ADAMTS3: variants seen among roughly 807,000 people sequenced by gnomAD.
The protein encoded by ADAMTS3 is ADAM metallopeptidase with thrombospondin type 1 motif 3, also known as A disintegrin and metalloproteinase with thrombospondin motifs 3.
ADAMTS3 carries 73 observed loss-of-function variants against 129.0 expected under a neutral mutation model. That is an observed-to-expected ratio of 0.57 (90% CI 0.47 to 0.69). The LOEUF is 0.69. ADAMTS3 is among the 30% of genes least tolerant of loss of function. The pLI, the probability that ADAMTS3 is intolerant of heterozygous loss-of-function variation, is 0.00. For synonymous variants in ADAMTS3, 477 were observed against 510.8 expected (o/e 0.93, Z 0.89); for missense variants, 1,457 against 1,514.5 (o/e 0.96, Z 0.63).
intron 6 of ADAMTS3, among the ~76,000 whole-genome samples, chr4:72,321,264 C>T (rs1413912017): frequency 6.6e-6 from 1 of 152,022 alleles, no homozygotes; most frequent in Non-Finnish European, 1.5e-5. Context: ...CTCTGCCTCT[C>T]GGGTTCAAGC....
chr4:72,495,028 C>A (rs1001494291), intron 3 of ADAMTS3, among the ~76,000 whole-genome samples: 1 of 152,186 alleles, frequency 6.6e-6, no homozygotes, highest in Admixed American at 6.5e-5. Flanking sequence ...CCTTTTAGCA[C>A]CAGGTCTGAC....
intron 3 of ADAMTS3, among the ~76,000 whole-genome samples, chr4:72,431,791 G>C (rs1722704737): frequency 6.6e-6 from 1 of 151,852 alleles, no homozygotes; most frequent in South Asian, 2.1e-4. Flanking sequence ...ATTTGGTAAA[G>C]GGGAAATGGG....
chr4:72,477,713 G>A (rs1376340810), intron 3 of ADAMTS3, among the ~76,000 whole-genome samples: 6 of 151,970 alleles, frequency 3.9e-5, no homozygotes, highest in African/African-American at 1.5e-4. Context: ...GAAGGAAATA[G>A]AGACACAAAA....
At chr4:72,329,693 C>T (rs139592024) in intron 5 of ADAMTS3, among the ~76,000 whole-genome samples, 3 of 151,884 alleles carry the variant, frequency 2.0e-5, no homozygotes, top group East Asian at 3.9e-4. Flanking sequence ...CTGGTTTAAT[C>T]GCTTCCTTCC....
intron 2 of ADAMTS3, among the ~76,000 whole-genome samples, chr4:72,564,641 C>G (rs1721980754): frequency 6.6e-6 from 1 of 152,138 alleles, no homozygotes; most frequent in African/African-American, 2.4e-5. Context: ...GTGAATCCTA[C>G]TTTCCCACAT....
In ADAMTS3 at chr4:72,319,918, G is replaced by T. The variant is rs1355356078; in HGVS notation, c.1148C>A (p.Thr383Asn). Residue 383 changes from threonine to asparagine, a missense_variant, in exon 8 of 22, where the codon ACC (threonine) becomes AAC (asparagine). Coordinates refer to ENST00000286657, the MANE Select transcript of ADAMTS3 (RefSeq NM_014243.3). Reference protein sequence around the residue: ...TGMCHPVRSCTLNHEDGFSSA... With the variant: ...TGMCHPVRSCNLNHEDGFSSA... ...TGAAAAACCATCCTCATGATTCAGGGTACAACTTCTCACTGGATGACACAT... is the reference window on the plus strand; with the variant it reads ...TGAAAAACCATCCTCATGATTCAGGTTACAACTTCTCACTGGATGACACAT... The T allele has an allele frequency of 6.2e-7, 1 of 1,613,768 alleles. No individual in the cohort carries two copies. The highest frequency in any genetic ancestry group is 8.5e-7 in the Non-Finnish European group (1 of 1,179,896).
chr4:72,530,628 TTA>T (rs1408855885), intron 3 of ADAMTS3, among the ~76,000 whole-genome samples: 1 of 83,622 alleles, frequency 1.2e-5, no homozygotes, highest in African/African-American at 5.0e-5. Context: ...ATATATATTA[TTA>T]TATAATATAT....
chr4:72,314,962 A>G (rs757862182), intron 11 of ADAMTS3, among the ~76,000 whole-genome samples: 2 of 152,214 alleles, frequency 1.3e-5, no homozygotes, highest in African/African-American at 2.4e-5. Flanking sequence ...AGTTCTTAAC[A>G]TGCCTTTGTT....
chr4:72,373,639 C>T (rs1721067226), intron 4 of ADAMTS3, among the ~76,000 whole-genome samples: 1 of 152,094 alleles, frequency 6.6e-6, no homozygotes, highest in African/African-American at 2.4e-5. Context: ...TGGCTCACAC[C>T]TGTAATCCTA....
chr4:72,343,505 C>T (rs985353961), intron 4 of ADAMTS3, among the ~76,000 whole-genome samples: 4 of 152,254 alleles, frequency 2.6e-5, no homozygotes, highest in East Asian at 3.9e-4. Flanking sequence ...TCACCATGAT[C>T]GTGTCTCCCA....
intron 3 of ADAMTS3, among the ~76,000 whole-genome samples, chr4:72,469,831 A>C (rs1331530357): frequency 8.5e-5 from 13 of 152,290 alleles, no homozygotes; most frequent in African/African-American, 2.9e-4. Flanking sequence ...TGACTTTCTT[A>C]ATAACACTTT....
chr4:72,340,495 T>C (rs1720109241), intron 4 of ADAMTS3, among the ~76,000 whole-genome samples: 1 of 152,044 alleles, frequency 6.6e-6, no homozygotes, highest in African/African-American at 2.4e-5. Flanking sequence ...TGGCAAGTCA[T>C]TTCAGTTGCT....
intron 19 of ADAMTS3, among the ~76,000 whole-genome samples, chr4:72,291,512 G>A (rs912087145): frequency 1.3e-5 from 2 of 148,412 alleles, no homozygotes; most frequent in South Asian, 4.3e-4. Flanking sequence ...TTCGTTTTTT[G>A]TCCTTGCGAT....
At chr4:72,307,887 T>C (rs1278228311) in intron 15 of ADAMTS3, among the ~76,000 whole-genome samples, 1 of 151,940 alleles carries the variant, frequency 6.6e-6, no homozygotes, top group Non-Finnish European at 1.5e-5. Context: ...ACAGTTTGAA[T>C]TGGTATGACA....
At chr4:72,356,500 G>C (rs1212851145) in intron 4 of ADAMTS3, among the ~76,000 whole-genome samples, 2 of 151,574 alleles carry the variant, frequency 1.3e-5, no homozygotes, top group African/African-American at 4.8e-5. Flanking sequence ...TACTCACTGT[G>C]CTTTCACAGT....
chr4:72,346,840 T>G (rs1396881456), intron 4 of ADAMTS3, among the ~76,000 whole-genome samples: 1 of 152,182 alleles, frequency 6.6e-6, no homozygotes, highest in Admixed American at 6.6e-5. Context: ...TTACACGAAC[T>G]TACACCCTCT....
intron 3 of ADAMTS3, among the ~76,000 whole-genome samples, chr4:72,461,292 T>TA (rs1718764103): frequency 6.6e-6 from 1 of 151,720 alleles, no homozygotes; most frequent in South Asian, 2.1e-4. Context: ...TAGAAAGAAA[T>TA]AGAGTGGAAT....
chr4:72,476,662 G>T (rs949636355), intron 3 of ADAMTS3, among the ~76,000 whole-genome samples: 85 of 151,998 alleles, frequency 5.6e-4, no homozygotes, highest in Non-Finnish European at 2.9e-5. Flanking sequence ...ACAAAGGGAG[G>T]GAAGGAAGAA....
At chr4:72,451,275 C>T (rs1218141089) in intron 3 of ADAMTS3, among the ~76,000 whole-genome samples, 5 of 151,540 alleles carry the variant, frequency 3.3e-5, no homozygotes, top group Admixed American at 1.3e-4. Flanking sequence ...AACTGACTGC[C>T]TGGATAAAGT....
Sources: allele counts gnomAD v4.1 joint callset (sites outside exome capture counted in the v4.1 genomes callset), GRCh38; gene constraint gnomAD v4.1.1; transcripts MANE v1.5; gene names NCBI Gene and HGNC (gene_info 2026-07-23, HGNC 2026-07-21).